The following BMPR1B variants were observed in gnomAD, a reference collection of about 807,000 sequenced individuals.
BMPR1B encodes the protein bone morphogenetic protein receptor type-1B.
A neutral mutation model predicts 59.1 loss-of-function variants in BMPR1B; 12 were observed. The observed-to-expected ratio is 0.20, with a 90% CI of 0.13 to 0.33. The LOEUF (loss-of-function observed/expected upper bound fraction) is 0.33. Among genes scored for constraint, BMPR1B ranks in the 10% least tolerant of loss-of-function variants. The pLI is 1.00. For missense variants in BMPR1B, 550 were observed against 610.9 expected (o/e 0.90, Z 1.05); for synonymous variants, 237 against 207.3 (o/e 1.14, Z -1.23).
intron 2 of BMPR1B, among the ~76,000 whole-genome samples, chr4:94,947,985 G>T (rs1187905710): frequency 6.6e-6 from 1 of 152,170 alleles, no homozygotes; most frequent in Non-Finnish European, 1.5e-5. Context: ...CTGCTATTAT[G>T]TGTTAAGTTC....
At chr4:95,008,190 T>C (rs1308481795) in intron 3 of BMPR1B, among the ~76,000 whole-genome samples, 3 of 152,212 alleles carry the variant, frequency 2.0e-5, no homozygotes, top group Admixed American at 6.5e-5. Flanking sequence ...ATTGAATATC[T>C]GTCTCATACT....
chr4:95,117,305 A>T (rs1346527689), intron 6 of BMPR1B, among the ~76,000 whole-genome samples: 1 of 152,228 alleles, frequency 6.6e-6, no homozygotes, highest in Non-Finnish European at 1.5e-5. Context: ...TTCCAACTTT[A>T]AAGATAAGGA....
Position 95,152,635 on chromosome 4 carries a change from A to T in BMPR1B, c.1253-8A>T. On this transcript the variant is annotated splice_region_variant and splice_polypyrimidine_tract_variant and intron_variant, in intron 11 of 12. Coordinates refer to ENST00000515059, the MANE Select transcript of BMPR1B (RefSeq NM_001203.3). ...ATAATAATAATAATAGTAACAACAT[A>T]TTTTTAGGTATAGTGGAAGAATACC... 1.3e-6 allele frequency: 2 copies of T among 1,532,248 alleles called. No homozygotes were observed. The highest frequency in any genetic ancestry group is 1.8e-6 in the Non-Finnish European group (2 of 1,132,582). 94.9% of individuals were successfully genotyped at this position (1,532,248 alleles called of 1,614,324 possible). A position where few individuals can be genotyped will look rare whatever the true frequency, so the allele number is the denominator to read the frequency against.
At chr4:95,131,165 CCTGATA>C in intron 9 of BMPR1B, 44 bp from the exon 10 acceptor site, 1 of 1,535,176 alleles carries the variant, frequency 6.5e-7, no homozygotes, top group African/African-American at 1.4e-5. Flanking sequence ...ATGAATTATT[CCTGATA>C]CTATTTGGAA....
At chr4:95,101,526 C>T (rs145342451) in intron 3 of BMPR1B, among the ~76,000 whole-genome samples, 14 of 152,156 alleles carry the variant, frequency 9.2e-5, no homozygotes, top group African/African-American at 3.4e-4. Flanking sequence ...TTTAGAAGTA[C>T]CTTTGATACC....
chr4:95,139,191 G>A (rs187983300), intron 10 of BMPR1B, among the ~76,000 whole-genome samples: 1 of 152,308 alleles, frequency 6.6e-6, no homozygotes, highest in Non-Finnish European at 1.5e-5. Context: ...TCCAGACCCT[G>A]TTTGCCTGGG....
At chr4:94,772,264 G>A (rs1265712470) in intron 1 of BMPR1B, among the ~76,000 whole-genome samples, 1 of 152,108 alleles carries the variant, frequency 6.6e-6, no homozygotes, top group Non-Finnish European at 1.5e-5. Flanking sequence ...TTCCAGAAAG[G>A]ACCTCCCCTT....
At chr4:95,116,395 TCTC>T (rs1018446041) in intron 6 of BMPR1B, among the ~76,000 whole-genome samples, 7 of 131,898 alleles carry the variant, frequency 5.3e-5, no homozygotes, top group African/African-American at 2.5e-4. Context: ...ATGTTCCCTT[TCTC>T]CTCCTCCATG....
Position 94,796,753 on chromosome 4 carries a change from A to G in BMPR1B, c.-183+38685A>G, listed in dbSNP as rs1261181219. Among the ~76,000 whole-genome samples, 4 of 152,090 alleles carry G rather than the reference A, an allele frequency of 2.6e-5. No homozygotes were observed. The South Asian group carries it at 6.2e-4, about 24-fold the overall frequency. On this transcript the variant is annotated intron_variant, in intron 1 of 12. Transcript: ENST00000515059. The stretch of plus-strand genomic sequence containing the variant: ...TTCCTCAAGTTTCTAGTGACTGTAT[A>G]TTTCCAAAGATTATTTTCCAATGTC...
At chr4:94,770,372 T>G (rs1477706114) in intron 1 of BMPR1B, among the ~76,000 whole-genome samples, 1 of 152,076 alleles carries the variant, frequency 6.6e-6, no homozygotes, top group African/African-American at 2.4e-5. Flanking sequence ...TTAGCTTTTT[T>G]GGCTGCAGGA....
chr4:94,822,797 T>A (rs1192123000), intron 1 of BMPR1B, among the ~76,000 whole-genome samples: 2 of 152,144 alleles, frequency 1.3e-5, no homozygotes, highest in Non-Finnish European at 2.9e-5. Flanking sequence ...CCCTACTTAG[T>A]CTCTGAAATA....
chr4:94,939,785 G>C (rs183154749), intron 2 of BMPR1B, among the ~76,000 whole-genome samples: 125 of 152,232 alleles, frequency 8.2e-4, no homozygotes, highest in Non-Finnish European at 9.7e-4. Flanking sequence ...TTATGATTCA[G>C]ATATTATCTA....
chr4:95,137,589 G>C (rs1306978561), intron 10 of BMPR1B, among the ~76,000 whole-genome samples: 1 of 152,134 alleles, frequency 6.6e-6, no homozygotes, highest in Admixed American at 6.5e-5. Context: ...GCATCTGGGT[G>C]CTCCTGTATT....
At chr4:94,909,398 ACT>A (rs1040633724) in intron 2 of BMPR1B, among the ~76,000 whole-genome samples, 6 of 151,610 alleles carry the variant, frequency 4.0e-5, no homozygotes, top group African/African-American at 7.3e-5. Flanking sequence ...CAATTGCCAG[ACT>A]CTGCTGCTTG....
At chr4:94,778,885 T>G (rs552650025) in intron 1 of BMPR1B, among the ~76,000 whole-genome samples, 24 of 152,100 alleles carry the variant, frequency 1.6e-4, no homozygotes, top group Admixed American at 1.4e-3. Flanking sequence ...TGTTCTTTTC[T>G]TAGTGACTTT....
chr4:94,913,946 A>G (rs368542515), intron 2 of BMPR1B, among the ~76,000 whole-genome samples: 17 of 152,188 alleles, frequency 1.1e-4, no homozygotes, highest in East Asian at 7.7e-4. Flanking sequence ...GCTGGTGGCT[A>G]TCTTATTGGA....
At chr4:94,846,752 G>C (rs1368315911) in intron 1 of BMPR1B, among the ~76,000 whole-genome samples, 3 of 151,466 alleles carry the variant, frequency 2.0e-5, no homozygotes, top group East Asian at 3.9e-4. Context: ...CATTCCATTA[G>C]TTCTGTCCTT....
At chr4:95,100,583 TC>T in intron 3 of BMPR1B, among the ~76,000 whole-genome samples, 1 of 152,270 alleles carries the variant, frequency 6.6e-6, no homozygotes, top group East Asian at 1.9e-4. Flanking sequence ...AATTAGGAAC[TC>T]ATGAGTTTTC....
chr4:94,980,510 C>T (rs755552566), intron 2 of BMPR1B, among the ~76,000 whole-genome samples: 1 of 152,108 alleles, frequency 6.6e-6, no homozygotes, highest in Admixed American at 6.5e-5. Context: ...TCCCCATGTC[C>T]GTGTGGGTTT....
Sources: allele counts gnomAD v4.1 joint callset (sites outside exome capture counted in the v4.1 genomes callset), GRCh38; gene constraint gnomAD v4.1.1; transcripts MANE v1.5; gene names NCBI Gene and HGNC (gene_info 2026-07-23, HGNC 2026-07-21).